TFIP11: variants seen among roughly 807,000 people sequenced by gnomAD.
TFIP11 encodes the protein tuftelin interacting protein 11.
A neutral mutation model predicts 96.8 loss-of-function variants in TFIP11; 86 were observed. That is an observed-to-expected ratio of 0.89 (90% CI 0.75 to 1.06). The LOEUF (loss-of-function observed/expected upper bound fraction) is 1.06. Among genes scored for constraint, TFIP11 ranks in the 50% least tolerant of loss-of-function variants. The pLI, the probability that TFIP11 is intolerant of heterozygous loss-of-function variation, is 0.00. For synonymous variants in TFIP11, 405 were observed against 395.2 expected (o/e 1.02, Z -0.29); for missense variants, 881 against 1,076.7 (o/e 0.82, Z 2.54).
At chr22:26,498,653 ATAC>A (rs1485993338) in intron 10 of TFIP11, 1 of 510,310 alleles carries the variant, frequency 2.0e-6, no homozygotes, top group Non-Finnish European at 3.5e-6. Context: ...ATGTAACCAA[ATAC>A]TACCTGTTCC....
At chr22:26,508,811 C>CAG (rs1923718779) in intron 4 of TFIP11, among the ~76,000 whole-genome samples, 7 of 150,142 alleles carry the variant, frequency 4.7e-5, no homozygotes, top group African/African-American at 1.7e-4. Context: ...CACCACTGTA[C>CAG]TCCAGCCTGG....
chr22:26,500,192 CAG>C (rs1922598098), intron 8 of TFIP11, among the ~76,000 whole-genome samples: 2 of 152,188 alleles, frequency 1.3e-5, no homozygotes, highest in South Asian at 4.1e-4. Flanking sequence ...TATTTTGAGA[CAG>C]AATCTCGCTC....
chr22:26,498,403 C>T (rs1207859308), intron 10 of TFIP11, among the ~76,000 whole-genome samples: 1 of 152,052 alleles, frequency 6.6e-6, no homozygotes, highest in Non-Finnish European at 1.5e-5. Flanking sequence ...ATTAGCTGGG[C>T]GTGGTGGCGT....
At chr22:26,493,914 C>T (rs1380999020) in intron 14 of TFIP11, 6 of 521,466 alleles carry the variant, frequency 1.2e-5, no homozygotes, top group Non-Finnish European at 2.1e-5. Context: ...TTAAGTCAGT[C>T]TCCACTCAGG....
chr22:26,507,453 G>A (rs575485667), intron 4 of TFIP11, among the ~76,000 whole-genome samples: 11 of 151,662 alleles, frequency 7.3e-5, no homozygotes, highest in Non-Finnish European at 1.3e-4. Flanking sequence ...GTGAGACTTC[G>A]TCTCTATAAA....
intron 10 of TFIP11, 159 bp downstream of exon 10, chr22:26,498,710 A>C: frequency 3.2e-6 from 2 of 629,696 alleles, no homozygotes; most frequent in Non-Finnish European, 5.6e-6. Flanking sequence ...ATTAAAAAAA[A>C]AAAATTCATA....
Position 26,498,867 on chromosome 22 carries a change from A to C in TFIP11, c.1436+2T>G. On this transcript the variant is annotated splice_donor_variant, in intron 10 of 14. Coordinates refer to ENST00000407690, the MANE Select transcript of TFIP11 (RefSeq NM_012143.4). LOFTEE classifies it high-confidence loss of function. ...GGTACAGAGCCCTGCTCTGTGGTGT[A>C]CCTGTGAAAGGCATCTGCTGAGAGG... 1 of 1,612,826 alleles carries C rather than the reference A, an allele frequency of 6.2e-7. No homozygotes were observed. Among genetic ancestry groups the C allele is most frequent in the Non-Finnish European group, 8.5e-7 (1 of 1,179,022 alleles).
chr22:26,496,440 T>A, intron 11 of TFIP11, 124 bp from the exon 12 acceptor site: 1 of 1,324,972 alleles, frequency 7.5e-7, no homozygotes, highest in Non-Finnish European at 1.0e-6. Context: ...CCACAGTCCT[T>A]TGTACATTGC....
intron 12 of TFIP11, among the ~76,000 whole-genome samples, chr22:26,495,152 G>A (rs1395840299): frequency 1.3e-5 from 2 of 151,276 alleles, no homozygotes; most frequent in Non-Finnish European, 1.5e-5. Flanking sequence ...ATTAGAGACA[G>A]CGTTTTGGCA....
intron 8 of TFIP11, 85 bp from the exon 9 acceptor site, chr22:26,499,716 G>A (rs1011696424): frequency 1.4e-6 from 2 of 1,395,110 alleles, no homozygotes; most frequent in Non-Finnish European, 1.9e-6. Flanking sequence ...CCCCATGACA[G>A]GGGAAGTGTG....
chr22:26,495,448 G>C (rs1190703540), intron 12 of TFIP11, among the ~76,000 whole-genome samples: 3 of 151,282 alleles, frequency 2.0e-5, no homozygotes. Context: ...TGGCTGGTTT[G>C]TATTTTTGGT....
At chr22:26,508,489 CT>C (rs1298404150) in intron 4 of TFIP11, among the ~76,000 whole-genome samples, 5 of 152,262 alleles carry the variant, frequency 3.3e-5, no homozygotes, top group African/African-American at 1.2e-4. Flanking sequence ...TTGTCATCCA[CT>C]TTCAGACTTC....
intron 5 of TFIP11, 63 bp downstream of exon 5, chr22:26,506,712 T>G: frequency 6.3e-7 from 1 of 1,583,770 alleles, no homozygotes; most frequent in African/African-American, 1.4e-5. Flanking sequence ...GGCTAGAAAA[T>G]GCTTGGGCCA....
intron 6 of TFIP11, among the ~76,000 whole-genome samples, chr22:26,504,852 G>T (rs529904456): frequency 3.9e-5 from 6 of 152,284 alleles, no homozygotes; most frequent in African/African-American, 1.4e-4. Flanking sequence ...GAGGAGGATG[G>T]ATCACTTGAG....
intron 7 of TFIP11, 45 bp downstream of exon 7, chr22:26,503,621 A>G (rs1169349965): frequency 6.2e-7 from 1 of 1,606,318 alleles, no homozygotes; most frequent in Non-Finnish European, 8.5e-7. Context: ...AGCCATTAGA[A>G]ATGGACAGGA....
chr22:26,504,952 T>C (rs1197437323), intron 6 of TFIP11, among the ~76,000 whole-genome samples: 1 of 152,114 alleles, frequency 6.6e-6, no homozygotes, highest in Non-Finnish European at 1.5e-5. Flanking sequence ...GGCGGGTGCC[T>C]GTAATCCCTG....
At chr22:26,493,484 A>T (rs134981) in intron 14 of TFIP11, 2 of 152,430 alleles carry the variant, frequency 1.3e-5, no homozygotes, top group African/African-American at 2.4e-5. Context: ...CGAATCGGCT[A>T]ATGAGCAACA....
At chr22:26,507,245 T>C (rs1349730177) in intron 4 of TFIP11, among the ~76,000 whole-genome samples, 5 of 152,108 alleles carry the variant, frequency 3.3e-5, no homozygotes, top group Non-Finnish European at 7.4e-5. Context: ...TAATTTATCA[T>C]AAAAAGCAAT....
rs138521563 is a variant in TFIP11, at chr22:26,502,011, A to G, written c.690T>C (p.Ser230=). 2 of 1,613,746 alleles carry G rather than the reference A, an allele frequency of 1.2e-6. No homozygotes were observed. Among genetic ancestry groups the G allele is most frequent in the African/African-American group, 2.7e-5 (2 of 74,832 alleles). ...AGTATTTGGGCTTCTTCTTGCTTCC[A>G]CTTGGGTCTTTCCTCCACTGGCTCA... ...KELSQWRKDP[S]GSKKKPKYSY... The change falls in exon 8 of 15, where the codon AGT becomes AGC. Residue 230 remains serine, a synonymous_variant. Transcript: ENST00000407690.
Sources: allele counts gnomAD v4.1 joint callset (sites outside exome capture counted in the v4.1 genomes callset), GRCh38; gene constraint gnomAD v4.1.1; transcripts MANE v1.5; gene names NCBI Gene and HGNC (gene_info 2026-07-23, HGNC 2026-07-21).